CNTNAP2: variants seen among roughly 807,000 people sequenced by gnomAD.
The protein encoded by CNTNAP2 is contactin associated protein 2.
Under a neutral mutation model 155.2 loss-of-function variants are expected in CNTNAP2, and 98 were observed. The observed-to-expected ratio is 0.63, with a 90% CI of 0.54 to 0.75. CNTNAP2 has a LOEUF of 0.75. Among genes scored for constraint, CNTNAP2 ranks in the 30% least tolerant of loss-of-function variants. The pLI is 0.00. For synonymous variants in CNTNAP2, 651 were observed against 631.2 expected, an observed-to-expected ratio of 1.03 and a Z score of -0.47; for missense variants, 1,727 against 1,688.1, an observed-to-expected ratio of 1.02 and a Z score of -0.40.
chr7:147,343,454 A>G (rs2116863863), intron 9 of CNTNAP2, among the ~76,000 whole-genome samples: 1 of 152,208 alleles, frequency 6.6e-6, no homozygotes, highest in East Asian at 1.9e-4. Flanking sequence ...TAAAAAGATG[A>G]ATTGCCCACT....
At chr7:148,305,402 G>A (rs1393872985) in intron 21 of CNTNAP2, among the ~76,000 whole-genome samples, 1 of 152,020 alleles carries the variant, frequency 6.6e-6, no homozygotes, top group East Asian at 1.9e-4. Context: ...CAATATAAGA[G>A]GAACTCACCA....
At chr7:147,494,434 G>C (rs1252370237) in intron 11 of CNTNAP2, among the ~76,000 whole-genome samples, 2 of 100,158 alleles carry the variant, frequency 2.0e-5, no homozygotes, top group East Asian at 3.6e-4. Context: ...TCTTTCAATA[G>C]TTTCAAAAAT....
intron 15 of CNTNAP2, among the ~76,000 whole-genome samples, chr7:147,999,176 G>C (rs749017733): frequency 6.6e-6 from 1 of 151,914 alleles, no homozygotes; most frequent in Admixed American, 6.6e-5. Flanking sequence ...TCTGCCTCCC[G>C]GGTTCCAGTG....
intron 1 of CNTNAP2, among the ~76,000 whole-genome samples, chr7:146,360,432 C>T (rs1374065509): frequency 6.6e-6 from 1 of 152,042 alleles, no homozygotes; most frequent in African/African-American, 2.4e-5. Context: ...AGATATAAAC[C>T]CTTGTTTAAA....
intron 1 of CNTNAP2, among the ~76,000 whole-genome samples, chr7:146,317,750 G>A (rs999559433): frequency 6.6e-6 from 1 of 152,212 alleles, no homozygotes; most frequent in African/African-American, 2.4e-5. Flanking sequence ...AGAAGTTCAA[G>A]CTAACATTAC....
At chr7:146,304,846 G>A (rs1800680283) in intron 1 of CNTNAP2, among the ~76,000 whole-genome samples, 1 of 152,036 alleles carries the variant, frequency 6.6e-6, no homozygotes, top group Non-Finnish European at 1.5e-5. Flanking sequence ...AGTTCCCCTG[G>A]ATAATATCCT....
At chr7:147,610,586 A>C (rs1401150427) in intron 12 of CNTNAP2, among the ~76,000 whole-genome samples, 1 of 152,126 alleles carries the variant, frequency 6.6e-6, no homozygotes, top group East Asian at 1.9e-4. Context: ...TAAACAGGAC[A>C]GTTGGGTGGG....
chr7:146,962,698 G>A lies in CNTNAP2; in HGVS notation c.403-81209G>A, dbSNP rs189347475. Among the ~76,000 whole-genome samples, 681 of 152,176 alleles carry A rather than the reference G, an allele frequency of 4.5e-3. 4 individuals are homozygous for A. The highest frequency in any genetic ancestry group is 7.8e-3 in the Non-Finnish European group (531 of 68,004). ...CCTGAGTAGCTGGGATTACAGGCAGGCGCCACCACATCCAGCTAATTTTTG... is the reference window on the plus strand; with the variant it reads ...CCTGAGTAGCTGGGATTACAGGCAGACGCCACCACATCCAGCTAATTTTTG... On this transcript the variant is annotated intron_variant, in intron 3 of 23. Transcript: ENST00000361727.
At chr7:148,163,574 T>C (rs553931137) in intron 17 of CNTNAP2, among the ~76,000 whole-genome samples, 1 of 152,292 alleles carries the variant, frequency 6.6e-6, no homozygotes, top group Admixed American at 6.5e-5. Flanking sequence ...ATGTTCTGCA[T>C]GTCCTTTACT....
At chr7:148,108,652 C>G (rs1804277428) in intron 15 of CNTNAP2, among the ~76,000 whole-genome samples, 1 of 151,936 alleles carries the variant, frequency 6.6e-6, no homozygotes, top group South Asian at 2.1e-4. Flanking sequence ...AAACAACAGA[C>G]TCAGAGAAGC....
intron 1 of CNTNAP2, among the ~76,000 whole-genome samples, chr7:146,673,248 G>A (rs1800339994): frequency 6.6e-6 from 1 of 152,034 alleles, no homozygotes; most frequent in Admixed American, 6.5e-5. Flanking sequence ...TAATTTGTAA[G>A]CAATCCATTC....
At chr7:147,749,997 T>A (rs565483018) in intron 13 of CNTNAP2, among the ~76,000 whole-genome samples, 1 of 152,212 alleles carries the variant, frequency 6.6e-6, no homozygotes, top group Non-Finnish European at 1.5e-5. Flanking sequence ...GTTATTTCAT[T>A]ACCCATCTCT....
intron 13 of CNTNAP2, among the ~76,000 whole-genome samples, chr7:147,881,754 T>G (rs187826217): frequency 6.6e-6 from 1 of 152,294 alleles, no homozygotes; most frequent in East Asian, 1.9e-4. Context: ...GCAGATCACC[T>G]GAGGTCATGA....
At chr7:148,063,053 T>C (rs1268588099) in intron 15 of CNTNAP2, among the ~76,000 whole-genome samples, 1 of 152,182 alleles carries the variant, frequency 6.6e-6, no homozygotes. Context: ...AATGGATGAA[T>C]TCCATCTATA....
intron 3 of CNTNAP2, among the ~76,000 whole-genome samples, chr7:146,976,484 A>G (rs1438284113): frequency 6.6e-6 from 1 of 152,106 alleles, no homozygotes; most frequent in African/African-American, 2.4e-5. Context: ...GGTTTGATTA[A>G]TTTGCTAGAG....
chr7:146,228,696 G>A (rs868787021), intron 1 of CNTNAP2, among the ~76,000 whole-genome samples: 1 of 151,948 alleles, frequency 6.6e-6, no homozygotes, highest in Non-Finnish European at 1.5e-5. Context: ...ATCTCTTTAT[G>A]CAATTTCCTT....
At chr7:146,703,593 A>C (rs1585049327) in intron 1 of CNTNAP2, among the ~76,000 whole-genome samples, 1 of 152,140 alleles carries the variant, frequency 6.6e-6, no homozygotes, top group East Asian at 1.9e-4. Context: ...GAAGTCCAAG[A>C]TCAAGGTTTA....
At position 148,229,686 on chromosome 7, in the gene CNTNAP2, G is replaced by C. The variant is rs1795925263; in HGVS notation, c.3288G>C (p.Glu1096Asp). 6.2e-7 allele frequency: 1 copy of C among 1,613,994 alleles called. No homozygotes were observed. Among genetic ancestry groups the C allele is most frequent in the Non-Finnish European group, 8.5e-7 (1 of 1,180,030 alleles). Reference sequence around the variant, plus strand: ...GATACAACCTGGGTGGCACCCGAGAGCCATACAATATTGACGTAGACCACA... The same window carrying C: ...GATACAACCTGGGTGGCACCCGAGACCCATACAATATTGACGTAGACCACA... ...QIRYNLGGTR[E>D]PYNIDVDHRN... The change falls in exon 20 of 24, where the codon GAG becomes GAC. Residue 1096 changes from glutamate to aspartate, a missense_variant. Coordinates refer to ENST00000361727, the MANE Select transcript of CNTNAP2 (RefSeq NM_014141.6).
intron 3 of CNTNAP2, among the ~76,000 whole-genome samples, chr7:147,033,468 G>A (rs1014693889): frequency 6.6e-6 from 1 of 151,370 alleles, no homozygotes; most frequent in African/African-American, 2.4e-5. Flanking sequence ...CATTACCCTG[G>A]TGTCTTTTTG....
Sources: gnomAD v4.1 joint callset for allele counts (sites outside exome capture counted in the v4.1 genomes callset) on GRCh38, gnomAD v4.1.1 for gene constraint, MANE v1.5 for transcripts, NCBI Gene and HGNC (gene_info 2026-07-23, HGNC 2026-07-21) for gene names.